MBD5: variants seen among roughly 807,000 people sequenced by gnomAD.
The protein encoded by MBD5 is methyl-CpG binding domain protein 5.
MBD5 carries 13 observed loss-of-function variants against 117.3 expected under a neutral mutation model. The observed-to-expected ratio is 0.11, with a 90% CI of 0.07 to 0.18. MBD5 has a LOEUF of 0.18. Ranked by LOEUF, MBD5 falls within the 10% of genes least tolerant of loss-of-function variation. The pLI is 1.00. For synonymous variants in MBD5, 727 were observed against 766.4 expected, an observed-to-expected ratio of 0.95 and a Z score of 0.85; for missense variants, 1,879 against 2,093.8, an observed-to-expected ratio of 0.90 and a Z score of 2.00.
At chr2:148,428,033 T>C (rs566292887) in intron 4 of MBD5, among the ~76,000 whole-genome samples, 61 of 152,224 alleles carry the variant, frequency 4.0e-4, no homozygotes, top group African/African-American at 1.4e-3. Context: ...GGTATTTGAA[T>C]AGGAAGAGAG....
At chr2:148,176,615 G>A (rs1698397120) in intron 1 of MBD5, among the ~76,000 whole-genome samples, 1 of 151,752 alleles carries the variant, frequency 6.6e-6, no homozygotes, top group Admixed American at 6.6e-5. Flanking sequence ...CACCATGTTG[G>A]CCAGGCTGGT....
At chr2:148,484,844 C>G (rs1681285425) in intron 9 of MBD5, among the ~76,000 whole-genome samples, 1 of 152,034 alleles carries the variant, frequency 6.6e-6, no homozygotes, top group African/African-American at 2.4e-5. Flanking sequence ...GGGATGGTGT[C>G]CATAAAGTCT....
chr2:148,339,701 C>T (rs1339585333), intron 3 of MBD5, among the ~76,000 whole-genome samples: 5 of 152,012 alleles, frequency 3.3e-5, no homozygotes, highest in East Asian at 1.9e-4. Flanking sequence ...GTCTTTCTTT[C>T]GTTCCTACAA....
At chr2:148,151,927 TG>T (rs1697684254) in intron 1 of MBD5, among the ~76,000 whole-genome samples, 1 of 151,974 alleles carries the variant, frequency 6.6e-6, no homozygotes, top group Non-Finnish European at 1.5e-5. Context: ...GGGTTTTTTG[TG>T]TCTCTCTTTC....
chr2:148,243,785 G>A (rs530084935), intron 3 of MBD5: 53 of 152,086 alleles, frequency 3.5e-4, no homozygotes, highest in African/African-American at 1.3e-3. Flanking sequence ...AGATGAATCT[G>A]TTATCACCCG....
chr2:148,449,314 TA>T (rs1259743299), intron 4 of MBD5, among the ~76,000 whole-genome samples: 3 of 152,114 alleles, frequency 2.0e-5, no homozygotes, highest in Non-Finnish European at 4.4e-5. Flanking sequence ...AGTGAAGCTT[TA>T]ACCTGAACTT....
intron 4 of MBD5, among the ~76,000 whole-genome samples, chr2:148,403,029 G>A (rs1704969761): frequency 6.6e-6 from 1 of 151,888 alleles, no homozygotes; most frequent in Admixed American, 6.6e-5. Context: ...CTTCTGCAAT[G>A]TCTAATCTGC....
At chr2:148,412,121 G>A (rs1705271767) in intron 4 of MBD5, among the ~76,000 whole-genome samples, 1 of 151,930 alleles carries the variant, frequency 6.6e-6, no homozygotes, top group South Asian at 2.1e-4. Context: ...TCCTCTCCCC[G>A]TTGCTTGTTT....
intron 3 of MBD5, among the ~76,000 whole-genome samples, chr2:148,288,169 G>A (rs1447639061): frequency 1.3e-5 from 2 of 150,386 alleles, no homozygotes; most frequent in African/African-American, 4.9e-5. Flanking sequence ...GGGAGGCCGA[G>A]GCAGGCGGAT....
Position 148,309,951 on chromosome 2 carries a change from T to A in MBD5, c.-679-32263T>A, listed in dbSNP as rs541650262. 2.0e-3 allele frequency among the ~76,000 whole-genome samples: 306 copies of A among 152,340 alleles called. 2 individuals carry two copies. Among genetic ancestry groups the A allele is most frequent in the Non-Finnish European group, 9.6e-4 (65 of 68,034 alleles). On this transcript the variant is annotated intron_variant, in intron 3 of 13. Coordinates refer to ENST00000642680, the MANE Select transcript of MBD5 (RefSeq NM_001378120.1). ...CTGTTTAAGTGATGGATTATGTTTA[T>A]TGATTTACAATGTTGAACCAGCCTT... is the stretch of plus-strand genomic sequence containing the variant.
At chr2:148,496,502 A>G (rs1404938543) in intron 11 of MBD5, among the ~76,000 whole-genome samples, 2 of 152,212 alleles carry the variant, frequency 1.3e-5, no homozygotes, top group African/African-American at 2.4e-5. Flanking sequence ...ACTGAGCCCA[A>G]CACAGACTAC....
chr2:148,265,674 A>C (rs535997923), intron 3 of MBD5, among the ~76,000 whole-genome samples: 3 of 152,312 alleles, frequency 2.0e-5, no homozygotes, highest in African/African-American at 7.2e-5. Context: ...TTACTCTTTC[A>C]AAACATTATA....
intron 2 of MBD5, among the ~76,000 whole-genome samples, chr2:148,222,674 G>A (rs545802316): frequency 6.6e-6 from 1 of 151,992 alleles, no homozygotes; most frequent in South Asian, 2.1e-4. Flanking sequence ...GTGTGTGTTT[G>A]GGGTCTTTAC....
chr2:148,030,544 T>A (rs188563516), intron 1 of MBD5, among the ~76,000 whole-genome samples: 6 of 152,174 alleles, frequency 3.9e-5, no homozygotes, highest in Non-Finnish European at 7.4e-5. Flanking sequence ...AGACATAAAG[T>A]ATATGCCATA....
Position 148,469,930 on chromosome 2 carries a change from C to A in MBD5, c.1987C>A (p.Pro663Thr), listed in dbSNP as rs1057520996. 5.6e-6 allele frequency: 9 copies of A among 1,613,846 alleles called. No homozygotes were observed. The highest frequency in any genetic ancestry group is 1.3e-5 in the African/African-American group (1 of 74,892). Reference sequence around the variant, plus strand: ...CGCATTGCGGAAAAGAAAACAACCACCTACGACAGTGTTGAGTTTGCTCAG... The same window carrying A: ...CGCATTGCGGAAAAGAAAACAACCAACTACGACAGTGTTGAGTTTGCTCAG... ...KDALRKRKQPPTTVLSLLRQS... is the reference protein window; with the variant it reads ...KDALRKRKQPTTTVLSLLRQS... The change falls in exon 8 of 14, where the codon CCT becomes ACT. Residue 663 changes from proline (P) to threonine (T), a missense_variant. Physicochemically the swap from Pro to Thr is conservative, Grantham distance 38. Transcript: ENST00000642680.
intron 4 of MBD5, among the ~76,000 whole-genome samples, chr2:148,370,708 C>A (rs1703828566): frequency 2.0e-5 from 3 of 152,072 alleles, no homozygotes; most frequent in Admixed American, 2.0e-4. Context: ...AGGCTGGTCT[C>A]GAACTCCTGA....
intron 1 of MBD5, among the ~76,000 whole-genome samples, chr2:148,032,802 A>G (rs1299003136): frequency 6.6e-6 from 1 of 152,196 alleles, no homozygotes; most frequent in African/African-American, 2.4e-5. Context: ...AATCATGGTT[A>G]CAGTGACAGG....
chr2:148,286,512 ACT>A (rs1014647603), intron 3 of MBD5, among the ~76,000 whole-genome samples: 1 of 152,026 alleles, frequency 6.6e-6, no homozygotes, highest in African/African-American at 2.4e-5. Flanking sequence ...TACTCCCAAC[ACT>A]CTCTGCATTA....
chr2:148,409,006 T>C (rs1329689959), intron 4 of MBD5, among the ~76,000 whole-genome samples: 1 of 152,118 alleles, frequency 6.6e-6, no homozygotes, highest in African/African-American at 2.4e-5. Context: ...CAGCCATGGA[T>C]TTTGTTATTC....
Sources: gnomAD v4.1 joint callset for allele counts (sites outside exome capture counted in the v4.1 genomes callset) on GRCh38, gnomAD v4.1.1 for gene constraint, MANE v1.5 for transcripts, NCBI Gene and HGNC (gene_info 2026-07-23, HGNC 2026-07-21) for gene names.